Variants in GMDS observed in about 807,000 individuals in gnomAD.
The protein encoded by GMDS is GDP-mannose 4,6 dehydratase.
Under a neutral mutation model 49.9 loss-of-function variants are expected in GMDS, and 20 were observed. The observed-to-expected ratio is 0.40, with a 90% CI of 0.28 to 0.58. GMDS has a LOEUF of 0.58. Among genes scored for constraint, GMDS ranks in the 20% least tolerant of loss-of-function variants. The pLI is 0.42. For missense variants in GMDS, 362 were observed against 481.4 expected (o/e 0.75, Z 2.32); for synonymous variants, 177 against 178.6 (o/e 0.99, Z 0.07).
intron 4 of GMDS, among the ~76,000 whole-genome samples, chr6:2,048,984 T>C (rs1237630040): frequency 2.0e-5 from 3 of 152,092 alleles, no homozygotes; most frequent in Non-Finnish European, 4.4e-5. Context: ...GGACTCCACA[T>C]GGGATTCGTG....
intron 6 of GMDS, among the ~76,000 whole-genome samples, chr6:1,934,842 T>C (rs1317811252): frequency 1.3e-5 from 2 of 152,162 alleles, no homozygotes; most frequent in African/African-American, 4.8e-5. Flanking sequence ...ACATGAGGGC[T>C]GAGACTATCC....
In GMDS at chr6:1,985,858, G is replaced by T. The variant is rs75205526; in HGVS notation, c.346-24892C>A. Among the ~76,000 whole-genome samples, 6 of 152,336 alleles carry T rather than the reference G, an allele frequency of 3.9e-5. No individual in the cohort carries two copies. In the East Asian group the frequency reaches 9.6e-4, roughly 24 times the overall value. ...GATCTTCAAGAACTGAAAGGTGGCAGAAGTTTACTGGTCTTAAAATCTAGC... is the reference window on the plus strand; with the variant it reads ...GATCTTCAAGAACTGAAAGGTGGCATAAGTTTACTGGTCTTAAAATCTAGC... On this transcript the variant is annotated intron_variant, in intron 4 of 10. Transcript: ENST00000380815.
At chr6:2,077,095 C>T (rs1032116254) in intron 4 of GMDS, among the ~76,000 whole-genome samples, 1 of 151,942 alleles carries the variant, frequency 6.6e-6, no homozygotes, top group Admixed American at 6.6e-5. Context: ...GTGGCTATTT[C>T]ATTATACTTG....
chr6:1,913,166 G>A (rs1467233148), intron 7 of GMDS, among the ~76,000 whole-genome samples: 1 of 152,026 alleles, frequency 6.6e-6, no homozygotes, highest in East Asian at 1.9e-4. Context: ...CGGATCACGA[G>A]GTCAGGAGAT....
chr6:2,112,876 T>C (rs1774627808), intron 4 of GMDS, among the ~76,000 whole-genome samples: 1 of 152,042 alleles, frequency 6.6e-6, no homozygotes, highest in South Asian at 2.1e-4. Context: ...ACTTCAGTCA[T>C]CAGCCCTACT....
intron 4 of GMDS, among the ~76,000 whole-genome samples, chr6:2,033,776 T>C (rs991957298): frequency 6.6e-6 from 1 of 152,160 alleles, no homozygotes; most frequent in African/African-American, 2.4e-5. Flanking sequence ...CTTTCTAAAA[T>C]GCAGATTCTT....
chr6:2,202,224 G>A (rs1201138364), intron 1 of GMDS, among the ~76,000 whole-genome samples: 2 of 147,672 alleles, frequency 1.4e-5, no homozygotes, highest in Admixed American at 6.8e-5. Flanking sequence ...CATGTTAGCA[G>A]AGAGGTGAAG....
chr6:1,893,821 C>T (rs988731152), intron 7 of GMDS, among the ~76,000 whole-genome samples: 2 of 152,164 alleles, frequency 1.3e-5, no homozygotes, highest in African/African-American at 2.4e-5. Flanking sequence ...AGCTCAACCA[C>T]GCCTTTAAAA....
In GMDS at chr6:1,687,136, GATGTCCTTACCTACATCAGTAACCCCTTC is replaced by G. The variant is rs1294695233; in HGVS notation, c.987+39251_987+39279del. Reference sequence around the variant, plus strand: ...GCCACCCCGTTTGTCAGGCCCCAGAGATGTCCTTACCTACATCAGTAACCCCTTCAAGGTTCACGAACCTTCTCACTGAC... The same window carrying G: ...GCCACCCCGTTTGTCAGGCCCCAGAGAAGGTTCACGAACCTTCTCACTGAC... On this transcript the variant is annotated intron_variant, in intron 9 of 10. Coordinates refer to ENST00000380815, the MANE Select transcript of GMDS (RefSeq NM_001500.4). 3.9e-5 allele frequency among the ~76,000 whole-genome samples: 6 copies of G among 152,220 alleles called. No individual in the cohort carries two copies. The East Asian group carries it at 1.2e-3, about 29-fold the overall frequency.
chr6:2,110,400 TC>T (rs1774480954), intron 4 of GMDS, among the ~76,000 whole-genome samples: 1 of 152,030 alleles, frequency 6.6e-6, no homozygotes, highest in South Asian at 2.1e-4. Context: ...TTGGGCCCTT[TC>T]CCAGGGGCCA....
chr6:2,002,684 A>T (rs1430710190), intron 4 of GMDS, among the ~76,000 whole-genome samples: 2 of 152,210 alleles, frequency 1.3e-5, no homozygotes, highest in African/African-American at 4.8e-5. Flanking sequence ...TAAGCATGAT[A>T]GACTTCTGAG....
chr6:1,644,363 A>AGCCTTCCT (rs986312585), intron 9 of GMDS, among the ~76,000 whole-genome samples: 1 of 152,150 alleles, frequency 6.6e-6, no homozygotes, highest in Non-Finnish European at 1.5e-5. Context: ...ACACAGCCAG[A>AGCCTTCCT]GCCTTCCTGC....
intron 4 of GMDS, among the ~76,000 whole-genome samples, chr6:2,114,363 G>A (rs577380747): frequency 2.0e-5 from 3 of 152,254 alleles, no homozygotes; most frequent in South Asian, 2.1e-4. Context: ...TAATGTGGAA[G>A]ATAGACTGAC....
At chr6:1,913,160 T>C (rs1581349428) in intron 7 of GMDS, among the ~76,000 whole-genome samples, 1 of 151,912 alleles carries the variant, frequency 6.6e-6, no homozygotes, top group African/African-American at 2.4e-5. Flanking sequence ...GGCGGGCGGA[T>C]CACGAGGTCA....
intron 7 of GMDS, among the ~76,000 whole-genome samples, chr6:1,866,693 T>C (rs1758458024): frequency 6.6e-6 from 1 of 152,234 alleles, no homozygotes. Flanking sequence ...CTGTGTTTGG[T>C]GAAGAGCTCT....
intron 1 of GMDS, among the ~76,000 whole-genome samples, chr6:2,146,640 T>C (rs4959639): frequency 0.16 from 23,624 of 152,024 alleles, 4,156 homozygotes; most frequent in African/African-American, 0.43. Flanking sequence ...ACTTCTTTTG[T>C]ACTCTGTATT....
intron 7 of GMDS, among the ~76,000 whole-genome samples, chr6:1,835,746 TTAAGA>T (rs1176737537): frequency 6.6e-6 from 1 of 152,186 alleles, no homozygotes. Context: ...AAACAATTCT[TTAAGA>T]TATCAATTTG....
At chr6:1,815,223 G>GA (rs3839593) in intron 7 of GMDS, among the ~76,000 whole-genome samples, 81,045 of 151,936 alleles carry the variant, frequency 0.53, 23,111 homozygotes, top group African/African-American at 0.75. Context: ...TTCATCTACC[G>GA]AAAAAAATTC....
At position 2,107,631 on chromosome 6, in the gene GMDS, C is replaced by G. The variant is rs199972927; in HGVS notation, c.345+8140G>C. Among the ~76,000 whole-genome samples the G allele has an allele frequency of 3.3e-5, 5 of 152,294 alleles. No individual in the cohort carries two copies. The East Asian group carries it at 5.8e-4, about 18-fold the overall frequency. On this transcript the variant is annotated intron_variant, in intron 4 of 10. Coordinates refer to ENST00000380815, the MANE Select transcript of GMDS (RefSeq NM_001500.4). ...CAGGTGAAGGGACAACAGGACTGAT[C>G]AGAAAGAAATGGGAGCTTGTAGAAC...
Sources: allele counts gnomAD v4.1 joint callset (sites outside exome capture counted in the v4.1 genomes callset), GRCh38; gene constraint gnomAD v4.1.1; transcripts MANE v1.5; gene names NCBI Gene and HGNC (gene_info 2026-07-23, HGNC 2026-07-21).